The following ABCB5 variants were observed in gnomAD, a reference collection of about 807,000 sequenced individuals.
ABCB5 encodes ATP-binding cassette sub-family B member 5.
ABCB5 carries 155 observed loss-of-function variants against 144.2 expected under a neutral mutation model. The observed-to-expected ratio is 1.08, with a 90% CI of 0.94 to 1.23. The LOEUF (loss-of-function observed/expected upper bound fraction) is 1.23, where lower values mean the gene tolerates loss of function less well. ABCB5 is among the 50% of genes most tolerant of loss of function. The pLI, the probability that ABCB5 is intolerant of heterozygous loss-of-function variation, is 0.00. For synonymous variants in ABCB5, 610 were observed against 528.6 expected, an observed-to-expected ratio of 1.15 and a Z score of -2.11; for missense variants, 1,830 against 1,520.8, an observed-to-expected ratio of 1.20 and a Z score of -3.38.
chr7:20,679,286 G>T (rs1431528492), intron 14 of ABCB5, among the ~76,000 whole-genome samples: 1 of 151,768 alleles, frequency 6.6e-6, no homozygotes, highest in East Asian at 1.9e-4. Flanking sequence ...TGGCCAACAT[G>T]GTAAAACCCC....
At chr7:20,678,730 G>A (rs1785690532) in intron 14 of ABCB5, among the ~76,000 whole-genome samples, 1 of 152,212 alleles carries the variant, frequency 6.6e-6, no homozygotes, top group Non-Finnish European at 1.5e-5. Context: ...TTCAATACCT[G>A]TTTTAAGTCT....
intron 23 of ABCB5, among the ~76,000 whole-genome samples, chr7:20,732,303 T>C (rs1259342570): frequency 6.6e-6 from 1 of 152,194 alleles, no homozygotes; most frequent in Non-Finnish European, 1.5e-5. Context: ...TGGTCCAAAG[T>C]AGTTCCCCTA....
At chr7:20,655,047 TAA>T (rs71020653) in intron 13 of ABCB5, among the ~76,000 whole-genome samples, 4 of 129,292 alleles carry the variant, frequency 3.1e-5, no homozygotes, top group East Asian at 2.2e-4. Flanking sequence ...CTGAAAAGAT[TAA>T]AAAAAAAAAA....
chr7:20,657,488 C>G (rs1784847858), intron 13 of ABCB5, among the ~76,000 whole-genome samples: 1 of 152,042 alleles, frequency 6.6e-6, no homozygotes, highest in Non-Finnish European at 1.5e-5. Flanking sequence ...ATATCAAAAA[C>G]ATTAAGCTAG....
chr7:20,645,503 T>C (rs1784381637), intron 7 of ABCB5, among the ~76,000 whole-genome samples: 1 of 152,212 alleles, frequency 6.6e-6, no homozygotes, highest in South Asian at 2.1e-4. Flanking sequence ...AAAGGATTAT[T>C]AAATGGGACA....
chr7:20,753,962 G>C (rs1783008473), intron 27 of ABCB5, among the ~76,000 whole-genome samples: 1 of 152,180 alleles, frequency 6.6e-6, no homozygotes, highest in Non-Finnish European at 1.5e-5. Context: ...AAACAAGGAG[G>C]CAAAGTGACA....
At chr7:20,715,768 G>A (rs1380051395) in intron 20 of ABCB5, among the ~76,000 whole-genome samples, 1 of 149,530 alleles carries the variant, frequency 6.7e-6, no homozygotes, top group Non-Finnish European at 1.5e-5. Flanking sequence ...CACCCAGGCT[G>A]GAGTGCAGTG....
intron 14 of ABCB5, chr7:20,659,201 C>A (rs1784915196): frequency 7.5e-6 from 12 of 1,605,954 alleles, no homozygotes; most frequent in East Asian, 2.2e-5. Context: ...ACTGCACATA[C>A]CTCAAGGCCA....
At chr7:20,627,514 C>A (rs972979780) in intron 3 of ABCB5, among the ~76,000 whole-genome samples, 2 of 151,700 alleles carry the variant, frequency 1.3e-5, no homozygotes, top group Non-Finnish European at 2.9e-5. Flanking sequence ...TTATTTTGGC[C>A]TCTCTCGGTA....
In ABCB5 at chr7:20,656,908, TTTTC is replaced by T. The variant is rs869270264; in HGVS notation, c.1537-1594_1537-1591del. On this transcript the variant is annotated intron_variant, in intron 13 of 27. Coordinates refer to ENST00000404938, the MANE Select transcript of ABCB5 (RefSeq NM_001163941.2). Reference sequence around the variant, plus strand: ...GATAGATCTAATTTTTCTTTTTCCTTTTTCTTTTTTTTTTTTTTTTTTTTGATAT... The same window carrying T: ...GATAGATCTAATTTTTCTTTTTCCTTTTTTTTTTTTTTTTTTTTTTGATAT... Among the ~76,000 whole-genome samples, 222 of 64,946 alleles carry T rather than the reference TTTTC, an allele frequency of 3.4e-3. 4 individuals are homozygous for T. The highest frequency in any genetic ancestry group is 0.012 in the African/African-American group (131 of 10,492). The allele number at this position is 64,946 out of a possible 152,430, so 42.6% of individuals were successfully genotyped here. A position where few individuals can be genotyped will look rare whatever the true frequency, so the allele number is the denominator to read the frequency against.
In ABCB5 at chr7:20,666,994, A is replaced by G. The variant is rs1583410230; in HGVS notation, c.1707+8318A>G. On this transcript the variant is annotated intron_variant, in intron 14 of 27. Coordinates refer to ENST00000404938, the MANE Select transcript of ABCB5 (RefSeq NM_001163941.2). Reference sequence around the variant, plus strand: ...GTTGAATATTTTGTTGTTGTTCACTATGAGGAGTATATCGGTTTTAGGTCA... The same window carrying G: ...GTTGAATATTTTGTTGTTGTTCACTGTGAGGAGTATATCGGTTTTAGGTCA... The G allele has an allele frequency of 1.3e-5, 10 of 792,694 alleles. No individual in the cohort carries two copies. In the East Asian group the frequency reaches 3.0e-4, roughly 24 times the overall value. 49.1% of individuals were successfully genotyped at this position (792,694 alleles called of 1,614,324 possible). A position where few individuals can be genotyped will look rare whatever the true frequency, so the allele number is the denominator to read the frequency against.
rs188388349 is a variant in ABCB5, at chr7:20,644,290, G to A, written c.678+658G>A. ...GACAGATTTTCACCATGTTGCCCAG[G>A]CTGATCTCGAATTCTTGGGCTGAAG... On this transcript the variant is annotated intron_variant, in intron 7 of 27. Transcript: ENST00000404938. Among the ~76,000 whole-genome samples, 242 of 152,142 alleles carry A rather than the reference G, an allele frequency of 1.6e-3. 1 individual carries two copies. The highest frequency in any genetic ancestry group is 5.5e-3 in the African/African-American group (228 of 41,494).
At chr7:20,638,111 GT>G (rs541605646) in intron 5 of ABCB5, among the ~76,000 whole-genome samples, 161 of 152,124 alleles carry the variant, frequency 1.1e-3, no homozygotes, top group African/African-American at 3.6e-3. Context: ...ATAAGGAATA[GT>G]TTTTTAAAAA....
intron 23 of ABCB5, among the ~76,000 whole-genome samples, chr7:20,730,516 T>A (rs1033658784): frequency 2.0e-5 from 3 of 152,056 alleles, no homozygotes; most frequent in Non-Finnish European, 4.4e-5. Flanking sequence ...CTCAAAAAAT[T>A]TAAAATAAAA....
At position 20,755,459 on chromosome 7, in the gene ABCB5, G is replaced by C. The variant is rs61999295; in HGVS notation, c.3609G>C (p.Thr1203=). ...VVQHALDKAR[T]GRTCLVVTHR... ...AGCATGCCCTTGATAAAGCCAGGAC[G>C]GGAAGGACATGCCTAGTGGTCACTC... The change falls in exon 28 of 28, where the codon ACG becomes ACC. Residue 1203 remains threonine (T), a synonymous_variant. Transcript: ENST00000404938. 60 of 1,614,176 alleles carry C rather than the reference G, an allele frequency of 3.7e-5. No homozygotes were observed. The highest frequency in any genetic ancestry group is 3.2e-4 in the Admixed American group (19 of 60,022).
intron 13 of ABCB5, among the ~76,000 whole-genome samples, chr7:20,658,115 A>G (rs1042164560): frequency 2.0e-5 from 3 of 152,208 alleles, no homozygotes; most frequent in Non-Finnish European, 4.4e-5. Flanking sequence ...AATTGTGGGT[A>G]ACATACCAAA....
In ABCB5 at chr7:20,727,048, T is replaced by C. The variant is rs2128050982; in HGVS notation, c.2634T>C (p.Thr878=). 1 of 1,610,306 alleles carries C rather than the reference T, an allele frequency of 6.2e-7. No individual in the cohort carries two copies. Among genetic ancestry groups the C allele is most frequent in the African/African-American group, 1.3e-5 (1 of 74,892 alleles). The part of the protein sequence containing the change: ...QELKHAGKIA[T]EALENIRTIV... ...TTGTCCTGTTTTATAAGATAGCAAC[T>C]GAAGCTTTGGAGAATATACGTACTA... Residue 878 remains threonine (T), a synonymous_variant, in exon 22 of 28, where the codon ACT becomes ACC. Coordinates refer to ENST00000404938, the MANE Select transcript of ABCB5 (RefSeq NM_001163941.2).
chr7:20,711,723 G>T (rs988159204), intron 20 of ABCB5, among the ~76,000 whole-genome samples: 1 of 148,248 alleles, frequency 6.7e-6, no homozygotes, highest in Non-Finnish European at 1.5e-5. Flanking sequence ...TGAAGTGCTG[G>T]GATTATGGGT....
intron 14 of ABCB5, chr7:20,667,398 T>TTA: frequency 1.0e-6 from 1 of 985,600 alleles, no homozygotes; most frequent in Non-Finnish European, 1.2e-6. Flanking sequence ...AACCCTGTGA[T>TTA]TCTGATTCTG....
Sources: allele counts gnomAD v4.1 joint callset (sites outside exome capture counted in the v4.1 genomes callset), GRCh38; gene constraint gnomAD v4.1.1; transcripts MANE v1.5; gene names NCBI Gene and HGNC (gene_info 2026-07-23, HGNC 2026-07-21).